TSHR: variants seen among roughly 807,000 people sequenced by gnomAD.
The protein encoded by TSHR is thyroid stimulating hormone receptor, also known as thyrotropin receptor.
Under a neutral mutation model 64.1 loss-of-function variants are expected in TSHR, and 51 were observed. The observed-to-expected ratio is 0.80, with a 90% CI of 0.64 to 1.01. TSHR has a LOEUF of 1.01. Among genes scored for constraint, TSHR ranks in the 50% least tolerant of loss-of-function variants. TSHR has a pLI of 0.00. For missense variants in TSHR, 877 were observed against 942.8 expected (o/e 0.93, Z 0.91); for synonymous variants, 361 against 361.9 (o/e 1.00, Z 0.03).
intron 1 of TSHR, among the ~76,000 whole-genome samples, chr14:81,056,245 G>T (rs1344668825): frequency 6.6e-6 from 1 of 152,078 alleles, no homozygotes; most frequent in East Asian, 1.9e-4. Flanking sequence ...ACATGGTACT[G>T]TAAGTCCATT....
At chr14:80,997,297 T>C (rs1235401290) in intron 1 of TSHR, among the ~76,000 whole-genome samples, 1 of 152,214 alleles carries the variant, frequency 6.6e-6, no homozygotes, top group Non-Finnish European at 1.5e-5. Flanking sequence ...ACTTTAACCT[T>C]TATCATCCCC....
chr14:81,106,697 C>T (rs928242542), intron 7 of TSHR, among the ~76,000 whole-genome samples: 1 of 152,072 alleles, frequency 6.6e-6, no homozygotes, highest in Admixed American at 6.6e-5. Context: ...GTAATCCCAG[C>T]ACTTTGGGAG....
At chr14:80,976,401 T>A (rs1422416756) in intron 1 of TSHR, among the ~76,000 whole-genome samples, 2 of 152,156 alleles carry the variant, frequency 1.3e-5, no homozygotes, top group African/African-American at 4.8e-5. Context: ...GGGATCACAA[T>A]TGGTACTTAT....
intron 1 of TSHR, among the ~76,000 whole-genome samples, chr14:80,960,088 A>G (rs1483500835): frequency 6.6e-6 from 1 of 152,248 alleles, no homozygotes; most frequent in African/African-American, 2.4e-5. Flanking sequence ...GTAAGTGTTA[A>G]TAAGTATTAA....
At chr14:81,104,921 T>C in intron 7 of TSHR, 1 of 985,444 alleles carries the variant, frequency 1.0e-6, no homozygotes, top group Non-Finnish European at 1.2e-6. Context: ...ATGTCTATCT[T>C]ATTTTTAAAG....
At chr14:81,061,800 A>G (rs1275075399) in intron 1 of TSHR, among the ~76,000 whole-genome samples, 1 of 152,120 alleles carries the variant, frequency 6.6e-6, no homozygotes, top group Admixed American at 6.6e-5. Flanking sequence ...TAAAAGGTAA[A>G]ATAATCATGT....
intron 1 of TSHR, among the ~76,000 whole-genome samples, chr14:80,975,785 C>A (rs1207311998): frequency 6.6e-6 from 1 of 152,184 alleles, no homozygotes; most frequent in African/African-American, 2.4e-5. Context: ...CATCATACTC[C>A]TTGATTGCCT....
At chr14:81,132,954 G>A (rs1033960298) in intron 8 of TSHR, among the ~76,000 whole-genome samples, 3 of 152,132 alleles carry the variant, frequency 2.0e-5, no homozygotes, top group African/African-American at 7.2e-5. Flanking sequence ...AAAACTTTGG[G>A]TGAGTGGGAA....
chr14:81,012,889 G>T (rs967483645), intron 1 of TSHR: 26 of 152,166 alleles, frequency 1.7e-4, no homozygotes, highest in African/African-American at 5.8e-4. Context: ...CATTTTGTAG[G>T]TTGCCTGTTC....
intron 1 of TSHR, chr14:81,013,792 C>T (rs1890043860): frequency 6.6e-6 from 1 of 152,142 alleles, no homozygotes; most frequent in Non-Finnish European, 1.5e-5. Context: ...TTACTCTGCA[C>T]TTTTAGAGTT....
Position 81,125,461 on chromosome 14 carries a change from C to T in TSHR, c.693-14218C>T, listed in dbSNP as rs561540700. 2.0e-5 allele frequency among the ~76,000 whole-genome samples: 3 copies of T among 152,226 alleles called. No homozygotes were observed. In the South Asian group the frequency reaches 6.2e-4, roughly 32 times the overall value. On this transcript the variant is annotated intron_variant, in intron 8 of 9. Coordinates refer to ENST00000298171, the MANE Select transcript of TSHR (RefSeq NM_000369.5). ...GCATAACAGATTAAAGTTTGTGGCC[C>T]TCAACTCGCCTCAGCCCTGACTATA...
chr14:80,979,080 C>T (rs1172111383), intron 1 of TSHR, among the ~76,000 whole-genome samples: 1 of 152,240 alleles, frequency 6.6e-6, no homozygotes, highest in Non-Finnish European at 1.5e-5. Context: ...CCAAAACTAT[C>T]TGTATACCCA....
Position 81,143,974 on chromosome 14 carries a change from C to A in TSHR, c.1916C>A (p.Pro639Gln). The change falls in exon 10 of 10, where the codon CCA (proline) becomes CAA (glutamine). Residue 639 changes from proline to glutamine, a missense_variant. Transcript: ENST00000298171. ...TTCACCGACTTCATATGCATGGCCC[C>A]AATCTCATTCTATGCTCTGTCAGCA... is the stretch of plus-strand genomic sequence containing the variant. ...LIFTDFICMA[P>Q]ISFYALSAIL... 6.2e-7 allele frequency: 1 copy of A among 1,614,146 alleles called. No individual in the cohort carries two copies. The highest frequency in any genetic ancestry group is 8.5e-7 in the Non-Finnish European group (1 of 1,180,030).
At chr14:81,033,643 A>G (rs1486459708) in intron 1 of TSHR, among the ~76,000 whole-genome samples, 1 of 150,866 alleles carries the variant, frequency 6.6e-6, no homozygotes, top group Non-Finnish European at 1.5e-5. Flanking sequence ...AAAATGTACA[A>G]TTCTCTTTAT....
At chr14:80,988,474 A>G (rs975424670) in intron 1 of TSHR, among the ~76,000 whole-genome samples, 2 of 152,154 alleles carry the variant, frequency 1.3e-5, no homozygotes, top group African/African-American at 2.4e-5. Flanking sequence ...TCTACCCACC[A>G]TGATCTAATC....
chr14:81,001,836 G>C lies in TSHR; in HGVS notation c.170+45986G>C, dbSNP rs1434228095. Reference sequence around the variant, plus strand: ...CCTCAGGCCACTTAGGGGAAGAGCGGGACTAACTTTCTTGATCTTGCTTTT... The same window carrying C: ...CCTCAGGCCACTTAGGGGAAGAGCGCGACTAACTTTCTTGATCTTGCTTTT... On this transcript the variant is annotated intron_variant, in intron 1 of 9. Transcript: ENST00000298171. The C allele has an allele frequency of 4.1e-5, 9 of 220,808 alleles. No homozygotes were observed. The East Asian group carries it at 1.2e-3, about 29-fold the overall frequency. The allele number at this position is 220,808 out of a possible 1,614,324, so 13.7% of individuals were successfully genotyped here. A position where few individuals can be genotyped will look rare whatever the true frequency, so the allele number is the denominator to read the frequency against.
chr14:81,076,438 G>T (rs1282186138), intron 3 of TSHR, among the ~76,000 whole-genome samples: 1 of 152,048 alleles, frequency 6.6e-6, no homozygotes, highest in Admixed American at 6.6e-5. Flanking sequence ...CTTAGTGTTG[G>T]TATATACCTA....
At chr14:81,123,916 T>C (rs1374990283) in intron 8 of TSHR, among the ~76,000 whole-genome samples, 1 of 152,206 alleles carries the variant, frequency 6.6e-6, no homozygotes, top group Non-Finnish European at 1.5e-5. Context: ...TTTCTTTTTA[T>C]CTTATTTTGA....
chr14:80,961,839 T>C (rs1442014221), intron 1 of TSHR, among the ~76,000 whole-genome samples: 1 of 152,252 alleles, frequency 6.6e-6, no homozygotes, highest in Non-Finnish European at 1.5e-5. Context: ...TAATAACTGA[T>C]TTCCCATATA....
Sources: allele counts gnomAD v4.1 joint callset (sites outside exome capture counted in the v4.1 genomes callset), GRCh38; gene constraint gnomAD v4.1.1; transcripts MANE v1.5; gene names NCBI Gene and HGNC (gene_info 2026-07-23, HGNC 2026-07-21).